Variants in TSPAN5 observed in about 807,000 individuals in gnomAD.
TSPAN5 encodes the protein tetraspanin 5.
Under a neutral mutation model 37.1 loss-of-function variants are expected in TSPAN5, and 10 were observed. That is an observed-to-expected ratio of 0.27 (90% CI 0.17 to 0.46). The LOEUF (loss-of-function observed/expected upper bound fraction) is 0.46. TSPAN5 is among the 20% of genes least tolerant of loss of function. The probability of loss-of-function intolerance (pLI) is 1.00; values close to 1 mark genes in which losing one functional copy is unlikely to be tolerated. For missense variants in TSPAN5, 195 were observed against 326.6 expected (o/e 0.60, Z 3.11); for synonymous variants, 110 against 118.9 (o/e 0.93, Z 0.48).
chr4:98,620,956 A>T lies in TSPAN5; in HGVS notation c.81+37190T>A, dbSNP rs142743623. Among the ~76,000 whole-genome samples, 540 of 152,338 alleles carry T rather than the reference A, an allele frequency of 3.5e-3. 3 individuals are homozygous for T. Among genetic ancestry groups the T allele is most frequent in the African/African-American group, 0.012 (516 of 41,568 alleles). On this transcript the variant is annotated intron_variant, in intron 1 of 7. Coordinates refer to ENST00000305798, the MANE Select transcript of TSPAN5 (RefSeq NM_005723.4). ...TCCCCAAAATTCACATATTGAAGTC[A>T]TTACCAGCATCTCAAAACGTGACTT...
intron 1 of TSPAN5, among the ~76,000 whole-genome samples, chr4:98,621,364 C>CTT (rs59414794): frequency 4.3e-4 from 44 of 102,656 alleles, no homozygotes; most frequent in African/African-American, 7.7e-4. Context: ...CAATATGTCA[C>CTT]TTTTTTTTTT....
chr4:98,480,052 C>A (rs1752804597), intron 4 of TSPAN5, among the ~76,000 whole-genome samples: 1 of 152,112 alleles, frequency 6.6e-6, no homozygotes, highest in African/African-American at 2.4e-5. Context: ...GGCGGTGACC[C>A]CCCTGGACCC....
intron 4 of TSPAN5, among the ~76,000 whole-genome samples, chr4:98,479,695 G>T (rs1208128265): frequency 6.6e-6 from 1 of 152,152 alleles, no homozygotes; most frequent in Non-Finnish European, 1.5e-5. Flanking sequence ...TGGTCTAACT[G>T]GTTGTGTAGC....
chr4:98,627,179 A>T (rs1241810594), intron 1 of TSPAN5, among the ~76,000 whole-genome samples: 2 of 152,150 alleles, frequency 1.3e-5, no homozygotes, highest in South Asian at 2.1e-4. Flanking sequence ...GCCTGTAATT[A>T]AAAGTGTCAG....
At chr4:98,527,149 G>A (rs868307416) in intron 1 of TSPAN5, among the ~76,000 whole-genome samples, 30 of 152,266 alleles carry the variant, frequency 2.0e-4, no homozygotes, top group African/African-American at 7.0e-4. Flanking sequence ...CATTATAGAG[G>A]AGGCAAGTGA....
intron 1 of TSPAN5, among the ~76,000 whole-genome samples, chr4:98,512,558 C>T (rs1012789503): frequency 6.6e-6 from 1 of 152,062 alleles, no homozygotes; most frequent in Non-Finnish European, 1.5e-5. Context: ...AAGAAAATGG[C>T]CCCAGCATGT....
intron 1 of TSPAN5, among the ~76,000 whole-genome samples, chr4:98,649,158 TGGTGG>T (rs1757130809): frequency 6.6e-6 from 1 of 152,232 alleles, no homozygotes; most frequent in Admixed American, 6.5e-5. Flanking sequence ...CTTTCTTAAG[TGGTGG>T]GACCCCTTTT....
At chr4:98,566,180 A>G (rs911034697) in intron 1 of TSPAN5, among the ~76,000 whole-genome samples, 5 of 152,092 alleles carry the variant, frequency 3.3e-5, no homozygotes, top group Non-Finnish European at 5.9e-5. Flanking sequence ...CCGTGCTTAT[A>G]ATTCTCAACT....
intron 1 of TSPAN5, among the ~76,000 whole-genome samples, chr4:98,513,384 G>A (rs916910568): frequency 6.6e-6 from 1 of 152,148 alleles, no homozygotes; most frequent in Non-Finnish European, 1.5e-5. Context: ...TTGGAAAAAT[G>A]AGGATCTGGG....
At chr4:98,503,548 T>G (rs1292451603) in intron 2 of TSPAN5, among the ~76,000 whole-genome samples, 1 of 152,124 alleles carries the variant, frequency 6.6e-6, no homozygotes, top group African/African-American at 2.4e-5. Context: ...TGAAAACTAG[T>G]GGGACATGAT....
intron 7 of TSPAN5, among the ~76,000 whole-genome samples, chr4:98,473,452 AT>A (rs35624650): frequency 0.013 from 1,736 of 134,220 alleles, 7 homozygotes; most frequent in African/African-American, 0.02. Context: ...CTTATTAGCC[AT>A]TTTTTTTTTT....
chr4:98,585,949 C>T (rs180782064), intron 1 of TSPAN5, among the ~76,000 whole-genome samples: 2 of 152,226 alleles, frequency 1.3e-5, no homozygotes, highest in South Asian at 2.1e-4. Context: ...TGCTCTCTAG[C>T]TGCTAACTAA....
intron 1 of TSPAN5, chr4:98,510,075 A>G (rs1753571955): frequency 6.6e-6 from 1 of 152,060 alleles, no homozygotes; most frequent in African/African-American, 2.4e-5. Context: ...TGTTTTTATT[A>G]CTTTCCAGGC....
chr4:98,545,777 C>T (rs916614613), intron 1 of TSPAN5, among the ~76,000 whole-genome samples: 1 of 152,162 alleles, frequency 6.6e-6, no homozygotes, highest in African/African-American at 2.4e-5. Flanking sequence ...AGCGATATGC[C>T]CACCTCAACC....
chr4:98,497,278 C>T (rs1560512726), intron 2 of TSPAN5, among the ~76,000 whole-genome samples: 3 of 147,556 alleles, frequency 2.0e-5, no homozygotes, highest in Non-Finnish European at 4.4e-5. Context: ...GATCGTGCCA[C>T]TGCACTCCAG....
chr4:98,525,341 T>C (rs1753937797), intron 1 of TSPAN5, among the ~76,000 whole-genome samples: 1 of 152,166 alleles, frequency 6.6e-6, no homozygotes, highest in African/African-American at 2.4e-5. Context: ...TCTGCATGGG[T>C]TTTCTTTGGG....
chr4:98,519,930 G>GACTATCATT (rs1560521184), intron 1 of TSPAN5, among the ~76,000 whole-genome samples: 17 of 152,206 alleles, frequency 1.1e-4, no homozygotes, highest in Admixed American at 4.6e-4. Flanking sequence ...AATCTATCTC[G>GACTATCATT]TGGGGTCATT....
chr4:98,482,169 C>T lies in TSPAN5; in HGVS notation c.286G>A (p.Val96Met), dbSNP rs751414387. ...AGGAAGAAAATAATTCCCAGGAACA[C>T]AGAAAACTAAGATAAAAGACACATA... Reference protein sequence around the residue: ...ENTFLLKFFSVFLGIIFFLEL... With the variant: ...ENTFLLKFFSMFLGIIFFLEL... Residue 96 changes from valine (V) to methionine (M), a missense_variant, in exon 4 of 8, where the codon GTG becomes ATG. Transcript: ENST00000305798. 1.6e-5 allele frequency: 26 copies of T among 1,613,452 alleles called. No homozygotes were observed. The highest frequency in any genetic ancestry group is 2.1e-5 in the Non-Finnish European group (25 of 1,179,870).
chr4:98,642,031 C>T lies in TSPAN5; in HGVS notation c.81+16115G>A, dbSNP rs564281386. ...TCAACATATAAATCCTAAGATTATA[C>T]AATCAGGGCTGCAAAAGACCAATTA... On this transcript the variant is annotated intron_variant, in intron 1 of 7. Coordinates refer to ENST00000305798, the MANE Select transcript of TSPAN5 (RefSeq NM_005723.4). Among the ~76,000 whole-genome samples, 9 of 152,274 alleles carry T rather than the reference C, an allele frequency of 5.9e-5. No homozygotes were observed. The South Asian group carries it at 1.9e-3, about 32-fold the overall frequency.
Sources: allele counts gnomAD v4.1 joint callset (sites outside exome capture counted in the v4.1 genomes callset), GRCh38; gene constraint gnomAD v4.1.1; transcripts MANE v1.5; gene names NCBI Gene and HGNC (gene_info 2026-07-23, HGNC 2026-07-21).